SMAP1: variants seen among roughly 807,000 people sequenced by gnomAD.
SMAP1 encodes stromal membrane-associated protein 1.
Under a neutral mutation model 58.5 loss-of-function variants are expected in SMAP1, and 24 were observed. The ratio of observed to expected loss-of-function variants is 0.41; its 90% CI spans 0.30 to 0.58. The LOEUF (loss-of-function observed/expected upper bound fraction) is 0.58. Among genes scored for constraint, SMAP1 ranks in the 20% least tolerant of loss-of-function variants. The probability of loss-of-function intolerance (pLI) is 0.29; values close to 1 mark genes in which losing one functional copy is unlikely to be tolerated. For missense variants in SMAP1, 563 were observed against 566.3 expected (o/e 0.99, Z 0.06); for synonymous variants, 216 against 196.6 (o/e 1.10, Z -0.82).
intron 4 of SMAP1, among the ~76,000 whole-genome samples, chr6:70,787,551 C>G (rs1405328532): frequency 6.6e-6 from 1 of 152,178 alleles, no homozygotes; most frequent in Non-Finnish European, 1.5e-5. Context: ...ATCTACTCAT[C>G]TGACAAAGGG....
intron 1 of SMAP1, among the ~76,000 whole-genome samples, chr6:70,717,671 A>G (rs1158142661): frequency 6.6e-6 from 1 of 152,222 alleles, no homozygotes; most frequent in Non-Finnish European, 1.5e-5. Context: ...AAGTAAAGCT[A>G]CGGGCTTCCT....
chr6:70,825,199 T>C (rs964946356), intron 6 of SMAP1, among the ~76,000 whole-genome samples: 1 of 152,124 alleles, frequency 6.6e-6, no homozygotes, highest in African/African-American at 2.4e-5. Context: ...GAGAAAATTA[T>C]TACAAATTTC....
chr6:70,711,724 C>T (rs113951658), intron 1 of SMAP1, among the ~76,000 whole-genome samples: 4,510 of 152,084 alleles, frequency 0.03, 137 homozygotes, highest in South Asian at 0.11. Flanking sequence ...GATGGGGTTT[C>T]ACTATGTTGG....
chr6:70,710,448 C>T (rs966722126), intron 1 of SMAP1, among the ~76,000 whole-genome samples: 1 of 136,480 alleles, frequency 7.3e-6, no homozygotes, highest in African/African-American at 2.8e-5. Context: ...GCCGAGATTG[C>T]GTCACTGCAC....
chr6:70,729,823 A>G (rs1483817737), intron 1 of SMAP1, among the ~76,000 whole-genome samples: 2 of 152,168 alleles, frequency 1.3e-5, no homozygotes, highest in Non-Finnish European at 2.9e-5. Flanking sequence ...AGTGTGTTGA[A>G]TGCTTGAGTT....
At chr6:70,671,608 T>C (rs548887489) in intron 1 of SMAP1, among the ~76,000 whole-genome samples, 83 of 152,116 alleles carry the variant, frequency 5.5e-4, no homozygotes, top group African/African-American at 1.9e-3. Context: ...ACAAAACATA[T>C]AGATAAAATT....
At chr6:70,766,619 T>C (rs1582140955) in intron 3 of SMAP1, among the ~76,000 whole-genome samples, 1 of 152,188 alleles carries the variant, frequency 6.6e-6, no homozygotes, top group Non-Finnish European at 1.5e-5. Context: ...TAAATTTGTT[T>C]GAGTTCATTG....
At chr6:70,711,142 G>C (rs906748003) in intron 1 of SMAP1, among the ~76,000 whole-genome samples, 3 of 152,100 alleles carry the variant, frequency 2.0e-5, no homozygotes, top group Admixed American at 6.5e-5. Flanking sequence ...AAAAAGTATA[G>C]TAAATACATA....
At chr6:70,790,518 A>T (rs1013248164) in intron 4 of SMAP1, among the ~76,000 whole-genome samples, 1 of 151,946 alleles carries the variant, frequency 6.6e-6, no homozygotes, top group African/African-American at 2.4e-5. Flanking sequence ...CCTTTTTTTT[A>T]TGGAAGATCT....
At position 70,732,359 on chromosome 6, in the gene SMAP1, G is replaced by C. The variant is rs947955255; in HGVS notation, c.119-19G>C. The C allele has an allele frequency of 2.7e-5, 43 of 1,590,570 alleles. No homozygotes were observed. The highest frequency in any genetic ancestry group is 3.7e-5 in the Non-Finnish European group (43 of 1,170,424). ...TTTTTAACATTTGCTTTTTTTTGTG[G>C]TTTCTTCTTCTAAATTAGGTCCTCG... On this transcript the variant is annotated intron_variant, in intron 1 of 10. Transcript: ENST00000370455.
chr6:70,674,124 C>CT (rs1450664096), intron 1 of SMAP1, among the ~76,000 whole-genome samples: 3 of 147,320 alleles, frequency 2.0e-5, no homozygotes, highest in Non-Finnish European at 4.5e-5. Flanking sequence ...TTTTTTTTTT[C>CT]TTTTTTTTTC....
At chr6:70,730,017 G>A (rs1168744253) in intron 1 of SMAP1, among the ~76,000 whole-genome samples, 1 of 152,154 alleles carries the variant, frequency 6.6e-6, no homozygotes, top group Non-Finnish European at 1.5e-5. Flanking sequence ...GGGTTTGAGA[G>A]ACACTGATCT....
At chr6:70,696,141 TTTTA>T (rs1435433021) in intron 1 of SMAP1, among the ~76,000 whole-genome samples, 1 of 152,188 alleles carries the variant, frequency 6.6e-6, no homozygotes, top group Non-Finnish European at 1.5e-5. Context: ...TCATCTCTGA[TTTTA>T]TTTATTTGTG....
chr6:70,773,278 T>C, intron 3 of SMAP1, 72 bp from the exon 4 acceptor site: 2 of 870,566 alleles, frequency 2.3e-6, no homozygotes, highest in Non-Finnish European at 3.6e-6. Flanking sequence ...CCCAGCTTTG[T>C]GGAGTGGCGT....
chr6:70,860,394 T>C lies in SMAP1; in HGVS notation c.*60T>C. The stretch of plus-strand genomic sequence containing the variant: ...CTGACATTCCTTGCTGAAACGCATC[T>C]AGTTCCCCTGTTTATTCATATGCAT... On this transcript the variant is annotated 3_prime_UTR_variant, in exon 11 of 11. Transcript: ENST00000370455. 1 of 1,554,820 alleles carries C rather than the reference T, an allele frequency of 6.4e-7. No homozygotes were observed. Among genetic ancestry groups the C allele is most frequent in the Non-Finnish European group, 8.7e-7 (1 of 1,152,800 alleles).
chr6:70,815,813 T>A (rs959076967), intron 6 of SMAP1, among the ~76,000 whole-genome samples: 1 of 152,094 alleles, frequency 6.6e-6, no homozygotes, highest in African/African-American at 2.4e-5. Context: ...TATTTGTGTA[T>A]GTTTGTGTAT....
chr6:70,767,518 A>T (rs1170648460), intron 3 of SMAP1, among the ~76,000 whole-genome samples: 4 of 152,156 alleles, frequency 2.6e-5, no homozygotes, highest in Admixed American at 6.5e-5. Context: ...GCAATTGTGC[A>T]TGGGAGTTCA....
chr6:70,706,910 T>A (rs1326144575), intron 1 of SMAP1, among the ~76,000 whole-genome samples: 2 of 152,196 alleles, frequency 1.3e-5, no homozygotes, highest in Non-Finnish European at 2.9e-5. Flanking sequence ...AGCCAGTGTT[T>A]AATATAGTTT....
At chr6:70,721,901 C>T (rs1768545778) in intron 1 of SMAP1, among the ~76,000 whole-genome samples, 1 of 152,140 alleles carries the variant, frequency 6.6e-6, no homozygotes, top group African/African-American at 2.4e-5. Context: ...AATTACCTTG[C>T]CCCGGATCCC....
Sources: gnomAD v4.1 joint callset for allele counts (sites outside exome capture counted in the v4.1 genomes callset) on GRCh38, gnomAD v4.1.1 for gene constraint, MANE v1.5 for transcripts, NCBI Gene and HGNC (gene_info 2026-07-23, HGNC 2026-07-21) for gene names.